MITF: variants seen among roughly 807,000 people sequenced by gnomAD.
MITF encodes the protein melanocyte inducing transcription factor.
MITF carries 17 observed loss-of-function variants against 60.5 expected under a neutral mutation model. The ratio of observed to expected loss-of-function variants is 0.28; its 90% CI spans 0.19 to 0.42. The LOEUF (loss-of-function observed/expected upper bound fraction) is 0.42. Among genes scored for constraint, MITF ranks in the 10% least tolerant of loss-of-function variants. The pLI is 1.00. For synonymous variants in MITF, 260 were observed against 248.5 expected (o/e 1.05, Z -0.43); for missense variants, 622 against 683.5 (o/e 0.91, Z 1.00).
At position 69,796,662 on chromosome 3, in the gene MITF, G is replaced by A. The variant is rs1418262265; in HGVS notation, c.104+56961G>A. Among the ~76,000 whole-genome samples, 3 of 150,586 alleles carry A rather than the reference G, an allele frequency of 2.0e-5. No homozygotes were observed. The East Asian group carries it at 5.9e-4, about 29-fold the overall frequency. ...GCTGGGACTACAGGCGCCCGCCACCGCGCCCGGCTAATTTTTTGTATTTTT... is the reference window on the plus strand; with the variant it reads ...GCTGGGACTACAGGCGCCCGCCACCACGCCCGGCTAATTTTTTGTATTTTT... On this transcript the variant is annotated intron_variant, in intron 1 of 9. Transcript: ENST00000352241.
chr3:69,783,810 G>C (rs2062605812), intron 1 of MITF, among the ~76,000 whole-genome samples: 1 of 152,086 alleles, frequency 6.6e-6, no homozygotes, highest in African/African-American at 2.4e-5. Flanking sequence ...AGGAATTCCT[G>C]GGTCTTTGGA....
At chr3:69,854,865 G>A (rs906360449) in intron 1 of MITF, among the ~76,000 whole-genome samples, 1 of 152,140 alleles carries the variant, frequency 6.6e-6, no homozygotes, top group African/African-American at 2.4e-5. Flanking sequence ...CCCTTGTTGA[G>A]GATTACTCCT....
chr3:69,863,002 G>T (rs2064044487), intron 1 of MITF, among the ~76,000 whole-genome samples: 1 of 152,110 alleles, frequency 6.6e-6, no homozygotes, highest in South Asian at 2.1e-4. Flanking sequence ...CTGTGTGTGT[G>T]TGTGTGTGTT....
chr3:69,879,475 G>T (rs2064432796), intron 2 of MITF, 92 bp downstream of exon 2: 26 of 1,580,726 alleles, frequency 1.6e-5, no homozygotes, highest in Non-Finnish European at 2.0e-5. Flanking sequence ...TATTTTGTTA[G>T]ACTGACCCTT....
chr3:69,897,803 A>C (rs950054989), intron 2 of MITF, among the ~76,000 whole-genome samples: 1 of 152,176 alleles, frequency 6.6e-6, no homozygotes. Flanking sequence ...GCCCTCATAA[A>C]TTAACATTTA....
chr3:69,763,938 A>G, intron 1 of MITF: 1 of 1,360,042 alleles, frequency 7.4e-7, no homozygotes, highest in Non-Finnish European at 9.8e-7. Context: ...CCTGTTTTCA[A>G]GAAGGTAATA....
chr3:69,810,348 C>T (rs1173559571), intron 1 of MITF, among the ~76,000 whole-genome samples: 1 of 151,996 alleles, frequency 6.6e-6, no homozygotes, highest in Non-Finnish European at 1.5e-5. Flanking sequence ...CCATTCATTT[C>T]TTAAATCTTT....
chr3:69,864,677 T>A (rs931271167), intron 1 of MITF, among the ~76,000 whole-genome samples: 2 of 152,176 alleles, frequency 1.3e-5, no homozygotes, highest in African/African-American at 4.8e-5. Context: ...TGAAACAGAA[T>A]CAGTGACCTT....
chr3:69,759,740 G>A (rs1444330505), intron 1 of MITF, among the ~76,000 whole-genome samples: 1 of 152,132 alleles, frequency 6.6e-6, no homozygotes, highest in Non-Finnish European at 1.5e-5. Flanking sequence ...GTGGATTACA[G>A]AGGGAGCCAC....
chr3:69,876,579 A>C (rs951828537), intron 1 of MITF, among the ~76,000 whole-genome samples: 1 of 152,186 alleles, frequency 6.6e-6, no homozygotes, highest in African/African-American at 2.4e-5. Context: ...TAAGTGAGTT[A>C]GAATAATGGC....
At chr3:69,793,503 G>GCATGCACCCTCTCCCAATGCTCATAT in intron 1 of MITF, among the ~76,000 whole-genome samples, 1 of 151,976 alleles carries the variant, frequency 6.6e-6, no homozygotes, top group South Asian at 2.1e-4. Flanking sequence ...GATGCTCATA[G>GCATGCACCCTCTCCCAATGCTCATAT]CATGCACCCT....
intron 2 of MITF, among the ~76,000 whole-genome samples, chr3:69,895,117 C>T (rs1475155793): frequency 6.6e-6 from 1 of 152,146 alleles, no homozygotes; most frequent in Admixed American, 6.5e-5. Context: ...ACCTACAGAC[C>T]ACTGAAGTTT....
intron 1 of MITF, among the ~76,000 whole-genome samples, chr3:69,802,306 G>A (rs1435564008): frequency 3.9e-5 from 6 of 152,148 alleles, no homozygotes; most frequent in Admixed American, 2.6e-4. Context: ...AATGTCAATC[G>A]TGCCAAGGCT....
chr3:69,845,442 C>CTTTTTTTTTTTTTTTTTTTT (rs751773040), intron 1 of MITF, among the ~76,000 whole-genome samples: 10 of 136,820 alleles, frequency 7.3e-5, no homozygotes, highest in Non-Finnish European at 1.2e-4. Flanking sequence ...TTTTTTCTTT[C>CTTTTTTTTTTTTTTTTTTTT]TTTTTTTTTT....
chr3:69,826,227 A>G (rs2063352375), intron 1 of MITF, among the ~76,000 whole-genome samples: 1 of 152,162 alleles, frequency 6.6e-6, no homozygotes, highest in South Asian at 2.1e-4. Context: ...AAGGTTAACC[A>G]GTATCTTAAC....
intron 2 of MITF, among the ~76,000 whole-genome samples, chr3:69,936,089 T>C (rs1332347757): frequency 1.3e-5 from 2 of 152,134 alleles, no homozygotes; most frequent in Admixed American, 1.3e-4. Context: ...AGGTTACACA[T>C]CTATGTAGCT....
At chr3:69,862,669 C>T (rs921930902) in intron 1 of MITF, among the ~76,000 whole-genome samples, 15 of 152,054 alleles carry the variant, frequency 9.9e-5, no homozygotes, top group African/African-American at 3.6e-4. Context: ...TTTTTCCTTC[C>T]AAAAAGATTC....
chr3:69,828,529 C>T (rs903326823), intron 1 of MITF, among the ~76,000 whole-genome samples: 4 of 151,888 alleles, frequency 2.6e-5, no homozygotes, highest in African/African-American at 9.7e-5. Context: ...ATTCACCATA[C>T]TAGTTTACAC....
chr3:69,902,185 T>G (rs2065007987), intron 2 of MITF, among the ~76,000 whole-genome samples: 1 of 152,174 alleles, frequency 6.6e-6, no homozygotes, highest in African/African-American at 2.4e-5. Context: ...AAGAATTGCA[T>G]TCATATTATG....
Sources: gnomAD v4.1 joint callset for allele counts (sites outside exome capture counted in the v4.1 genomes callset) on GRCh38, gnomAD v4.1.1 for gene constraint, MANE v1.5 for transcripts, NCBI Gene and HGNC (gene_info 2026-07-23, HGNC 2026-07-21) for gene names.